The following FNBP1L variants were observed in gnomAD, a reference collection of about 807,000 sequenced individuals.
The protein encoded by FNBP1L is formin-binding protein 1-like.
Under a neutral mutation model 91.2 loss-of-function variants are expected in FNBP1L, and 36 were observed. The ratio of observed to expected loss-of-function variants is 0.39; its 90% CI spans 0.30 to 0.52. FNBP1L has a LOEUF of 0.52. Among genes scored for constraint, FNBP1L ranks in the 20% least tolerant of loss-of-function variants. FNBP1L has a pLI of 0.66. For synonymous variants in FNBP1L, 242 were observed against 237.0 expected (o/e 1.02, Z -0.19); for missense variants, 571 against 732.1 (o/e 0.78, Z 2.54).
chr1:93,547,769 A>G (rs1443952651), intron 14 of FNBP1L, among the ~76,000 whole-genome samples: 1 of 152,158 alleles, frequency 6.6e-6, no homozygotes, highest in Non-Finnish European at 1.5e-5. Context: ...CTTATGCCAA[A>G]GAAAAATTTT....
At chr1:93,546,239 A>G (rs1407925542) in intron 12 of FNBP1L, among the ~76,000 whole-genome samples, 1 of 152,134 alleles carries the variant, frequency 6.6e-6, no homozygotes, top group East Asian at 1.9e-4. Context: ...ACCTATAGGA[A>G]GTCATGAAGG....
In FNBP1L at chr1:93,477,331, G is replaced by A. The variant is rs1202868687; in HGVS notation, c.25-22137G>A. Among the ~76,000 whole-genome samples the A allele has an allele frequency of 2.0e-5, 3 of 152,196 alleles. No individual in the cohort carries two copies. In the East Asian group the frequency reaches 5.8e-4, roughly 29 times the overall value. On this transcript the variant is annotated intron_variant, in intron 1 of 16. Coordinates refer to ENST00000271234, the MANE Select transcript of FNBP1L (RefSeq NM_001164473.3). ...TGAGCTGAGACACATGTATAATATG[G>A]CAGTGTGCTGTCTTACTGTACAGTG...
chr1:93,508,953 T>A (rs376332521), intron 2 of FNBP1L, among the ~76,000 whole-genome samples: 2 of 152,344 alleles, frequency 1.3e-5, no homozygotes, highest in South Asian at 4.1e-4. Flanking sequence ...TAAGATTATG[T>A]CCTATCAATT....
Position 93,552,623 on chromosome 1 carries a change from T to G in FNBP1L, c.*207T>G, listed in dbSNP as rs1672448546. On this transcript the variant is annotated 3_prime_UTR_variant, in exon 17 of 17. Transcript: ENST00000271234. ...ATAATACCAACCCTTAAGTTCCTAG[T>G]TCACAGTTATTCCCACAAAAGAAAA... is the stretch of plus-strand genomic sequence containing the variant. The G allele has an allele frequency of 2.2e-6, 1 of 444,768 alleles. No individual in the cohort carries two copies. Among genetic ancestry groups the G allele is most frequent in the Non-Finnish European group, 4.0e-6 (1 of 252,560 alleles). The allele number at this position is 444,768 out of a possible 1,614,324, so 27.6% of individuals were successfully genotyped here. A position where few individuals can be genotyped will look rare whatever the true frequency, so the allele number is the denominator to read the frequency against.
chr1:93,475,867 T>C (rs892676196), intron 1 of FNBP1L, among the ~76,000 whole-genome samples: 3 of 152,122 alleles, frequency 2.0e-5, no homozygotes, highest in Admixed American at 6.5e-5. Context: ...CTTTACAGAG[T>C]TGTGAAATAT....
In FNBP1L at chr1:93,554,235, A is replaced by G. The variant is rs559859263; in HGVS notation, c.*1819A>G. The G allele has an allele frequency of 2.0e-4, 30 of 152,794 alleles. No homozygotes were observed. Among genetic ancestry groups the G allele is most frequent in the African/African-American group, 6.5e-4 (27 of 41,590 alleles). The allele number at this position is 152,794 out of a possible 1,614,324, so 9.5% of individuals were successfully genotyped here. A position where few individuals can be genotyped will look rare whatever the true frequency, so the allele number is the denominator to read the frequency against. On this transcript the variant is annotated 3_prime_UTR_variant, in exon 17 of 17. Transcript: ENST00000271234. ...GCTATTTTTATTTTAAAGGTTAGCAATGAGGAGGAAATGTGATCTGGCTGT... is the reference window on the plus strand; with the variant it reads ...GCTATTTTTATTTTAAAGGTTAGCAGTGAGGAGGAAATGTGATCTGGCTGT...
At chr1:93,507,384 T>G (rs1227823575) in intron 2 of FNBP1L, among the ~76,000 whole-genome samples, 1 of 152,138 alleles carries the variant, frequency 6.6e-6, no homozygotes, top group African/African-American at 2.4e-5. Context: ...GAAGTAACAT[T>G]AAGGGCAGAT....
intron 2 of FNBP1L, among the ~76,000 whole-genome samples, chr1:93,515,040 A>G (rs189686052): frequency 6.1e-4 from 93 of 152,368 alleles, no homozygotes; most frequent in African/African-American, 2.2e-3. Context: ...GCTAATATGC[A>G]GAATCTACAA....
chr1:93,495,431 G>A (rs1402588856), intron 1 of FNBP1L, among the ~76,000 whole-genome samples: 1 of 152,050 alleles, frequency 6.6e-6, no homozygotes, highest in Admixed American at 6.6e-5. Context: ...AAAGGAAATT[G>A]GAATAAGGTT....
At position 93,544,092 on chromosome 1, in the gene FNBP1L, A is replaced by C. The variant is rs1466054175; in HGVS notation, c.1165-15A>C. Reference sequence around the variant, plus strand: ...CCGAAAATGTCTATTATAATGATTTAGATTCTCTTTTCAGGGCCCAGCACT... The same window carrying C: ...CCGAAAATGTCTATTATAATGATTTCGATTCTCTTTTCAGGGCCCAGCACT... On this transcript the variant is annotated splice_polypyrimidine_tract_variant and intron_variant, in intron 11 of 16. Coordinates refer to ENST00000271234, the MANE Select transcript of FNBP1L (RefSeq NM_001164473.3). 7 of 1,568,714 alleles carry C rather than the reference A, an allele frequency of 4.5e-6. No homozygotes were observed. Among genetic ancestry groups the C allele is most frequent in the Non-Finnish European group, 5.2e-6 (6 of 1,155,570 alleles).
intron 2 of FNBP1L, among the ~76,000 whole-genome samples, chr1:93,514,484 A>C (rs1456976932): frequency 6.6e-6 from 1 of 151,938 alleles, no homozygotes; most frequent in Non-Finnish European, 1.5e-5. Flanking sequence ...AAAAGAACAA[A>C]GCTGGAGGCA....
intron 1 of FNBP1L, among the ~76,000 whole-genome samples, chr1:93,498,066 C>A (rs1029159269): frequency 1.3e-5 from 2 of 151,090 alleles, no homozygotes; most frequent in African/African-American, 4.9e-5. Flanking sequence ...AATAGTATAT[C>A]ATTTAATATA....
intron 2 of FNBP1L, among the ~76,000 whole-genome samples, chr1:93,516,228 TG>T (rs1426694186): frequency 6.6e-6 from 1 of 152,300 alleles, no homozygotes; most frequent in Admixed American, 6.5e-5. Flanking sequence ...CTGTTGACAC[TG>T]TGGCTGGCAG....
intron 2 of FNBP1L, among the ~76,000 whole-genome samples, chr1:93,519,378 C>T (rs912217978): frequency 6.6e-6 from 1 of 152,160 alleles, no homozygotes; most frequent in Non-Finnish European, 1.5e-5. Context: ...GAGCAGAATC[C>T]TCCCCCAGGG....
At chr1:93,509,618 C>T (rs1012669618) in intron 2 of FNBP1L, among the ~76,000 whole-genome samples, 1 of 152,158 alleles carries the variant, frequency 6.6e-6, no homozygotes, top group African/African-American at 2.4e-5. Flanking sequence ...CCAAGATGGC[C>T]GAATAGGAAC....
Position 93,536,352 on chromosome 1 carries a change from C to T in FNBP1L, c.1011C>T (p.Thr337=). 3 of 1,542,374 alleles carry T rather than the reference C, an allele frequency of 1.9e-6. No individual in the cohort carries two copies. Among genetic ancestry groups the T allele is most frequent in the Non-Finnish European group, 2.6e-6 (3 of 1,142,332 alleles). The change falls in exon 10 of 17, where the codon ACC becomes ACT. Residue 337 remains threonine, a synonymous_variant. Transcript: ENST00000271234. ...ATTAGCCACAGTCCCCACCCTTAAC[C>T]CCTACTAGTTTATTCACATCCAGTA... The part of the protein sequence containing the change: ...KKPKPQSPPL[T]PTSLFTSSTP...
In FNBP1L at chr1:93,546,904, G is replaced by C; in HGVS notation, c.1337G>C (p.Ser446Thr). 2 of 1,613,020 alleles carry C rather than the reference G, an allele frequency of 1.2e-6. No individual in the cohort carries two copies. Among genetic ancestry groups the C allele is most frequent in the South Asian group, 1.1e-5 (1 of 90,926 alleles). The change falls in exon 13 of 17, where the codon AGT becomes ACT. Residue 446 changes from serine (S) to threonine (T), a missense_variant. Transcript: ENST00000271234. ...EKNPQMGDPGSLQPKLAETMN... is the reference protein window; with the variant it reads ...EKNPQMGDPGTLQPKLAETMN... Reference sequence around the variant, plus strand: ...AATCCACAAATGGGGGATCCAGGGAGTTTGCAGCCTAAATTAGCAGAGACC... The same window carrying C: ...AATCCACAAATGGGGGATCCAGGGACTTTGCAGCCTAAATTAGCAGAGACC...
rs1380877560 is a variant in FNBP1L, at chr1:93,511,741, C to T, written c.141-10341C>T. The stretch of plus-strand genomic sequence containing the variant: ...CAGCACTTTGGGAGGCCGAGGCGGG[C>T]GGATCACGAGGTCAGGAGATCGAGA... On this transcript the variant is annotated intron_variant, in intron 2 of 16. Coordinates refer to ENST00000271234, the MANE Select transcript of FNBP1L (RefSeq NM_001164473.3). Among the ~76,000 whole-genome samples the T allele has an allele frequency of 5.9e-5, 9 of 151,982 alleles. No homozygotes were observed. The South Asian group carries it at 6.3e-4, about 11-fold the overall frequency.
chr1:93,509,743 A>G (rs1485059305), intron 2 of FNBP1L, among the ~76,000 whole-genome samples: 1 of 152,230 alleles, frequency 6.6e-6, no homozygotes, highest in Admixed American at 6.5e-5. Flanking sequence ...GGCGCAGGTC[A>G]GTGGGTGCAC....
Sources: allele counts gnomAD v4.1 joint callset (sites outside exome capture counted in the v4.1 genomes callset), GRCh38; gene constraint gnomAD v4.1.1; transcripts MANE v1.5; gene names NCBI Gene and HGNC (gene_info 2026-07-23, HGNC 2026-07-21).